Variants in TENM3 observed in about 807,000 individuals in gnomAD.
TENM3 encodes teneurin-3.
A neutral mutation model predicts 255.1 loss-of-function variants in TENM3; 63 were observed. The ratio of observed to expected loss-of-function variants is 0.25; its 90% CI spans 0.20 to 0.30. The LOEUF is 0.30. Ranked by LOEUF, TENM3 falls within the 10% of genes least tolerant of loss-of-function variation. TENM3 has a pLI of 1.00. For missense variants in TENM3, 2,929 were observed against 3,461.1 expected (o/e 0.85, Z 3.86); for synonymous variants, 1,306 against 1,322.3 (o/e 0.99, Z 0.27).
At chr4:182,123,797 C>G in the TENM3 span, among the ~76,000 whole-genome samples, 1 of 152,088 alleles carries the variant, frequency 6.6e-6, no homozygotes, top group Admixed American at 6.5e-5. Context: ...TCAGGGTTAC[C>G]ACAAACCTTC....
intron 6 of TENM3, among the ~76,000 whole-genome samples, chr4:182,658,594 A>T (rs1753956859): frequency 6.6e-6 from 1 of 152,234 alleles, no homozygotes; most frequent in Non-Finnish European, 1.5e-5. Context: ...CCACGTGTCT[A>T]AAACAGAACC....
chr4:182,710,241 G>A (rs149085707), intron 12 of TENM3, among the ~76,000 whole-genome samples: 1 of 152,106 alleles, frequency 6.6e-6, no homozygotes, highest in Admixed American at 6.6e-5. Flanking sequence ...CAGAAGTTTC[G>A]ATGGCACTTT....
Position 182,390,226 on chromosome 4 carries a change from A to G in TENM3, c.511+43297A>G, listed in dbSNP as rs533048172. ...TTACAGATCCGTTTGCATTTGACAGACCATGGCAAGTCTTTGTACTGCCCA... is the reference window on the plus strand; with the variant it reads ...TTACAGATCCGTTTGCATTTGACAGGCCATGGCAAGTCTTTGTACTGCCCA... On this transcript the variant is annotated intron_variant, in intron 3 of 27. Transcript: ENST00000511685. Among the ~76,000 whole-genome samples the G allele has an allele frequency of 1.3e-3, 197 of 152,260 alleles. 3 individuals are homozygous for G. In the South Asian group the frequency reaches 0.037, roughly 28 times the overall value.
intron 4 of TENM3, among the ~76,000 whole-genome samples, chr4:182,621,695 TTATATATAAAATA>T (rs1561016259): frequency 1.1e-3 from 6 of 5,378 alleles, no homozygotes; most frequent in East Asian, 0.036. Context: ...ATAATATATA[TTATATATAAAATA>T]TATAATATAT....
chr4:182,206,191 G>A (rs1391239725), intron 1 of TENM3, among the ~76,000 whole-genome samples: 1 of 152,158 alleles, frequency 6.6e-6, no homozygotes, highest in African/African-American at 2.4e-5. Flanking sequence ...GTGACCTGAA[G>A]TGATGGGATA....
At chr4:181,697,265 G>A in the TENM3 span, among the ~76,000 whole-genome samples, 4 of 152,254 alleles carry the variant, frequency 2.6e-5, no homozygotes, top group Non-Finnish European at 5.9e-5. Flanking sequence ...GAGGGGACAC[G>A]GGTTCTTCCT....
intron 3 of TENM3, among the ~76,000 whole-genome samples, chr4:182,499,374 A>T (rs534305146): frequency 6.6e-6 from 1 of 152,348 alleles, no homozygotes; most frequent in African/African-American, 2.4e-5. Context: ...TTAGTCTCAC[A>T]GGAGTTCTAG....
chr4:182,482,379 T>C (rs1378135747), intron 3 of TENM3, among the ~76,000 whole-genome samples: 3 of 152,186 alleles, frequency 2.0e-5, no homozygotes, highest in Non-Finnish European at 2.9e-5. Context: ...ACATAATACA[T>C]ACATTGATTT....
the TENM3 span, among the ~76,000 whole-genome samples, chr4:181,588,610 G>A: frequency 6.6e-6 from 1 of 152,126 alleles, no homozygotes; most frequent in Admixed American, 6.5e-5. Context: ...CTATGAAGCT[G>A]CTTTGAGAAA....
the TENM3 span, among the ~76,000 whole-genome samples, chr4:181,577,336 C>T: frequency 1.1e-4 from 16 of 150,940 alleles, no homozygotes; most frequent in African/African-American, 2.4e-4. Flanking sequence ...CCACCGCACC[C>T]GGCCCCTCTC....
the TENM3 span, among the ~76,000 whole-genome samples, chr4:181,881,838 A>T: frequency 6.6e-6 from 1 of 152,322 alleles, no homozygotes; most frequent in South Asian, 2.1e-4. Flanking sequence ...AACAATTGAT[A>T]TATTTATCTC....
At chr4:182,034,088 G>T in the TENM3 span, among the ~76,000 whole-genome samples, 1 of 152,174 alleles carries the variant, frequency 6.6e-6, no homozygotes, top group East Asian at 1.9e-4. Context: ...AAGCCAAGGC[G>T]TGTTGTACAT....
At chr4:181,870,877 A>G in the TENM3 span, among the ~76,000 whole-genome samples, 104 of 152,174 alleles carry the variant, frequency 6.8e-4, no homozygotes, top group African/African-American at 2.2e-3. Flanking sequence ...ATATTTGCCA[A>G]TACCAGGTTT....
chr4:182,344,914 G>A lies in TENM3; in HGVS notation c.233-1737G>A, dbSNP rs138410501. Reference sequence around the variant, plus strand: ...TTTACTTTTATAAGTACAATCTGCAGTAATGATTTTAACATGCTAACAATA... The same window carrying A: ...TTTACTTTTATAAGTACAATCTGCAATAATGATTTTAACATGCTAACAATA... On this transcript the variant is annotated intron_variant, in intron 2 of 27. Coordinates refer to ENST00000511685, the MANE Select transcript of TENM3 (RefSeq NM_001080477.4). 1.5e-3 allele frequency among the ~76,000 whole-genome samples: 226 copies of A among 152,280 alleles called. 1 individual carries two copies. Among genetic ancestry groups the A allele is most frequent in the African/African-American group, 5.1e-3 (210 of 41,566 alleles).
At chr4:182,166,401 T>C (rs1249128416) in intron 1 of TENM3, among the ~76,000 whole-genome samples, 1 of 152,138 alleles carries the variant, frequency 6.6e-6, no homozygotes, top group Non-Finnish European at 1.5e-5. Context: ...GATTGAAGCT[T>C]GGCACCTCAG....
chr4:182,033,046 G>C, the TENM3 span, among the ~76,000 whole-genome samples: 1 of 149,502 alleles, frequency 6.7e-6, no homozygotes, highest in South Asian at 2.1e-4. Flanking sequence ...GTCTCCTTTA[G>C]TTCCACTCTA....
the TENM3 span, chr4:181,523,072 A>G: frequency 7.3e-5 from 41 of 560,648 alleles, no homozygotes; most frequent in Admixed American, 8.1e-4. Flanking sequence ...ATGTATGAGC[A>G]TGGGACAAAG....
chr4:181,649,889 G>T, the TENM3 span, among the ~76,000 whole-genome samples: 1 of 152,184 alleles, frequency 6.6e-6, no homozygotes, highest in Non-Finnish European at 1.5e-5. Flanking sequence ...TGGATCAGGA[G>T]TGGATTGTGG....
At chr4:181,932,264 A>G in the TENM3 span, among the ~76,000 whole-genome samples, 1 of 152,228 alleles carries the variant, frequency 6.6e-6, no homozygotes, top group Non-Finnish European at 1.5e-5. Flanking sequence ...TTTGCTATCT[A>G]TCCATCTGAC....
Sources: gnomAD v4.1 joint callset for allele counts (sites outside exome capture counted in the v4.1 genomes callset) on GRCh38, gnomAD v4.1.1 for gene constraint, MANE v1.5 for transcripts, NCBI Gene and HGNC (gene_info 2026-07-23, HGNC 2026-07-21) for gene names.